SORCS2: variants seen among roughly 807,000 people sequenced by gnomAD.
SORCS2 encodes VPS10 domain-containing receptor SorCS2.
SORCS2 carries 100 observed loss-of-function variants against 141.6 expected under a neutral mutation model. The observed-to-expected ratio is 0.71, with a 90% CI of 0.60 to 0.83. SORCS2 has a LOEUF of 0.83. SORCS2 is among the 40% of genes least tolerant of loss of function. SORCS2 has a pLI of 0.00. For synonymous variants in SORCS2, 789 were observed against 676.9 expected, an observed-to-expected ratio of 1.17 and a Z score of -2.57; for missense variants, 1,646 against 1,560.2, an observed-to-expected ratio of 1.05 and a Z score of -0.93.
At chr4:7,552,823 G>A (rs916061598) in intron 3 of SORCS2, among the ~76,000 whole-genome samples, 11 of 152,208 alleles carry the variant, frequency 7.2e-5, no homozygotes, top group African/African-American at 2.4e-4. Flanking sequence ...GGAGGAATCA[G>A]GGTGTGGAGG....
intron 25 of SORCS2, among the ~76,000 whole-genome samples, chr4:7,735,209 C>T (rs1158886818): frequency 6.6e-6 from 1 of 152,244 alleles, no homozygotes; most frequent in Non-Finnish European, 1.5e-5. Flanking sequence ...CCGGGGGCCC[C>T]AGTCTCCCCA....
intron 2 of SORCS2, among the ~76,000 whole-genome samples, chr4:7,417,159 C>A (rs1025959392): frequency 3.3e-5 from 5 of 152,160 alleles, no homozygotes; most frequent in Non-Finnish European, 5.9e-5. Context: ...AAGGATGGAG[C>A]CATAAACCTG....
At chr4:7,564,436 C>T (rs1714819380) in intron 3 of SORCS2, among the ~76,000 whole-genome samples, 1 of 152,196 alleles carries the variant, frequency 6.6e-6, no homozygotes, top group South Asian at 2.1e-4. Flanking sequence ...TGTAAGGACA[C>T]TAGTCATGTT....
intron 1 of SORCS2, among the ~76,000 whole-genome samples, chr4:7,303,602 T>C (rs895161629): frequency 6.6e-6 from 1 of 152,226 alleles, no homozygotes; most frequent in Admixed American, 6.5e-5. Context: ...GGTGATGGTC[T>C]TGGCACCCTG....
intron 2 of SORCS2, among the ~76,000 whole-genome samples, chr4:7,494,026 C>G (rs1353683054): frequency 7.1e-6 from 1 of 139,870 alleles, no homozygotes; most frequent in Non-Finnish European, 1.6e-5. Flanking sequence ...CATTCACACA[C>G]ACACACAGAC....
At chr4:7,386,435 G>A (rs1432429518) in intron 1 of SORCS2, among the ~76,000 whole-genome samples, 8 of 63,210 alleles carry the variant, frequency 1.3e-4, no homozygotes, top group African/African-American at 5.0e-4. Context: ...ACACATACAG[G>A]TACACAGAGA....
At chr4:7,650,731 CCCAGCCCAGCCCAGCCCAGCCCA>C (rs1560456276) in intron 4 of SORCS2, among the ~76,000 whole-genome samples, 3 of 89,952 alleles carry the variant, frequency 3.3e-5, no homozygotes, top group African/African-American at 1.9e-4. Flanking sequence ...CCCCGCCCAG[CCCAGCCCAGCCCAGCCCAGCCCA>C]GCCCAGCCCA....
At position 7,664,022 on chromosome 4, in the gene SORCS2, A is replaced by G. The variant is rs533157614; in HGVS notation, c.953-331A>G. On this transcript the variant is annotated intron_variant, in intron 6 of 26. Coordinates refer to ENST00000507866, the MANE Select transcript of SORCS2 (RefSeq NM_020777.3). This position sits in a 1 kb window ranked among gnomAD's most constrained non-coding sequence, Gnocchi z 4.7. ...CCCCATCCCTGCTTAGGTGTGAGAG[A>G]CTTCAGGAGGGTATGGGGGCCGTGC... 6.6e-6 allele frequency among the ~76,000 whole-genome samples: 1 copy of G among 152,194 alleles called. No homozygotes were observed. The highest frequency in any genetic ancestry group is 1.9e-4 in the East Asian group (1 of 5,168).
At chr4:7,436,821 T>C (rs1727335499) in intron 2 of SORCS2, among the ~76,000 whole-genome samples, 1 of 152,194 alleles carries the variant, frequency 6.6e-6, no homozygotes, top group Non-Finnish European at 1.5e-5. Context: ...CCCCGAACAC[T>C]TCTGTGTATG....
At chr4:7,463,887 CTG>C (rs1729459626) in intron 2 of SORCS2, among the ~76,000 whole-genome samples, 1 of 152,204 alleles carries the variant, frequency 6.6e-6, no homozygotes, top group African/African-American at 2.4e-5. Context: ...GTAGCAGAGA[CTG>C]GGGAGGTGCG....
chr4:7,215,366 C>T (rs538928442), intron 1 of SORCS2, among the ~76,000 whole-genome samples: 16 of 152,362 alleles, frequency 1.1e-4, no homozygotes, highest in East Asian at 1.9e-4. Flanking sequence ...TGCCTTTCCG[C>T]GGGGCAGGGC....
chr4:7,204,621 C>A (rs1727637625), intron 1 of SORCS2, among the ~76,000 whole-genome samples: 1 of 152,142 alleles, frequency 6.6e-6, no homozygotes, highest in Non-Finnish European at 1.5e-5. Flanking sequence ...ACAATTGCAA[C>A]CCCCAAGGAA....
At chr4:7,680,530 T>C (rs1181700334) in intron 9 of SORCS2, among the ~76,000 whole-genome samples, 2 of 152,244 alleles carry the variant, frequency 1.3e-5, no homozygotes, top group African/African-American at 4.8e-5. Context: ...AGCTGGCTCC[T>C]CCCGGCCCCT....
At chr4:7,628,684 G>A (rs915903819) in intron 3 of SORCS2, among the ~76,000 whole-genome samples, 4 of 151,952 alleles carry the variant, frequency 2.6e-5, no homozygotes, top group African/African-American at 4.8e-5. Flanking sequence ...TGCGGGATCG[G>A]CCAGGAAGTG....
chr4:7,443,143 C>G (rs1560288291), intron 2 of SORCS2, among the ~76,000 whole-genome samples: 1 of 152,232 alleles, frequency 6.6e-6, no homozygotes, highest in Non-Finnish European at 1.5e-5. Context: ...AAAACCCTAG[C>G]TCCAAATTAT....
At chr4:7,645,724 A>G (rs1560452456) in intron 4 of SORCS2, among the ~76,000 whole-genome samples, 3 of 152,166 alleles carry the variant, frequency 2.0e-5, no homozygotes, top group South Asian at 4.1e-4. Context: ...CATGAAGCTT[A>G]TGTTCTAGGG....
chr4:7,207,331 G>A (rs1454525459), intron 1 of SORCS2, among the ~76,000 whole-genome samples: 6 of 152,188 alleles, frequency 3.9e-5, no homozygotes, highest in Non-Finnish European at 5.9e-5. Context: ...TGGCCCCTCC[G>A]AGCCCCTCCC....
chr4:7,656,512 T>C (rs1721789592), intron 5 of SORCS2, among the ~76,000 whole-genome samples: 1 of 152,166 alleles, frequency 6.6e-6, no homozygotes, highest in African/African-American at 2.4e-5. Flanking sequence ...CTAGGTCTCA[T>C]GTCACAGGAG....
intron 2 of SORCS2, among the ~76,000 whole-genome samples, chr4:7,455,001 C>T (rs1268271895): frequency 2.3e-5 from 3 of 128,452 alleles, no homozygotes; most frequent in Non-Finnish European, 3.2e-5. Context: ...TAGTGTCATG[C>T]GCCACGTTAG....
Sources: gnomAD v4.1 joint callset for allele counts (sites outside exome capture counted in the v4.1 genomes callset) on GRCh38, gnomAD v4.1.1 for gene constraint, Gnocchi (gnomAD v3.1) non-coding constraint, MANE v1.5 for transcripts, NCBI Gene and HGNC (gene_info 2026-07-23, HGNC 2026-07-21) for gene names.